Variants in CEP128 observed in about 807,000 individuals in gnomAD.
CEP128 encodes centrosomal protein 128.
A neutral mutation model predicts 156.7 loss-of-function variants in CEP128; 132 were observed. The ratio of observed to expected loss-of-function variants is 0.84; its 90% CI spans 0.73 to 0.97. The LOEUF (loss-of-function observed/expected upper bound fraction) is 0.97, where lower values mean the gene tolerates loss of function less well. Among genes scored for constraint, CEP128 ranks in the 50% least tolerant of loss-of-function variants. The pLI, the probability that CEP128 is intolerant of heterozygous loss-of-function variation, is 0.00. For missense variants in CEP128, 1,252 were observed against 1,281.9 expected (o/e 0.98, Z 0.36); for synonymous variants, 469 against 448.9 (o/e 1.04, Z -0.57).
At chr14:80,504,709 T>C (rs1197737364) in intron 24 of CEP128, among the ~76,000 whole-genome samples, 1 of 152,238 alleles carries the variant, frequency 6.6e-6, no homozygotes, top group African/African-American at 2.4e-5. Flanking sequence ...CTGAGAAGCG[T>C]AAAGTCTAAA....
chr14:80,894,406 C>T (rs10141970), intron 8 of CEP128, among the ~76,000 whole-genome samples: 84,761 of 151,698 alleles, frequency 0.56, 25,664 homozygotes, highest in African/African-American at 0.8. Flanking sequence ...GTGTGAACTA[C>T]TGCAATTAAC....
At chr14:80,488,246 C>T (rs1224370105), downstream of CEP128, among the ~76,000 whole-genome samples, 1 of 59,744 alleles carries the variant, frequency 1.7e-5, no homozygotes, top group African/African-American at 3.3e-5. Flanking sequence ...TGACAAAGGG[C>T]TAATATCCAG....
chr14:80,652,199 G>A (rs1894937624), intron 19 of CEP128, among the ~76,000 whole-genome samples: 1 of 151,908 alleles, frequency 6.6e-6, no homozygotes, highest in Non-Finnish European at 1.5e-5. Context: ...AAATCAGGCT[G>A]GATTAAAGAC....
intron 12 of CEP128, among the ~76,000 whole-genome samples, chr14:80,831,560 C>T (rs2140045500): frequency 1.3e-5 from 2 of 150,618 alleles, no homozygotes; most frequent in Non-Finnish European, 3.0e-5. Flanking sequence ...TCAAGAAAAT[C>T]ACACACATTT....
chr14:80,570,284 A>AT (rs1891083517), intron 20 of CEP128, among the ~76,000 whole-genome samples: 1 of 151,986 alleles, frequency 6.6e-6, no homozygotes, highest in Non-Finnish European at 1.5e-5. Context: ...CGCCCGGCTA[A>AT]TTTTTTGTGT....
At chr14:80,923,865 G>A (rs991548041) in intron 2 of CEP128, among the ~76,000 whole-genome samples, 1 of 152,118 alleles carries the variant, frequency 6.6e-6, no homozygotes, top group Admixed American at 6.5e-5. Flanking sequence ...GAGGTGACAG[G>A]ATCATGGAGG....
intron 19 of CEP128, among the ~76,000 whole-genome samples, chr14:80,663,388 C>T (rs866963352): frequency 3.3e-5 from 5 of 152,078 alleles, no homozygotes; most frequent in Non-Finnish European, 7.4e-5. Flanking sequence ...GGAGAAGTAG[C>T]AAAAGTTTTC....
At chr14:80,718,113 C>T (rs1834259542) in intron 19 of CEP128, among the ~76,000 whole-genome samples, 1 of 152,076 alleles carries the variant, frequency 6.6e-6, no homozygotes, top group African/African-American at 2.4e-5. Flanking sequence ...TCATATAACT[C>T]AACAAAGACA....
rs768366515 is a variant in CEP128, at chr14:80,580,419, T to G, written c.2811A>C (p.Leu937=). 30 of 1,593,390 alleles carry G rather than the reference T, an allele frequency of 1.9e-5. No homozygotes were observed. The highest frequency in any genetic ancestry group is 3.4e-4 in the Middle Eastern group (2 of 5,836). Residue 937 remains leucine, a synonymous_variant, in exon 20 of 25, where the codon CTA becomes CTC. Coordinates refer to ENST00000555265, the MANE Select transcript of CEP128 (RefSeq NM_152446.5). ...CATCTTTTCTTTGGGTCTCTTCCAG[T>G]AGATCTGTAATAAGAAAGTAAAATA... ...LDEIHREKRD[L]LEETQRKDEE... is the part of the protein sequence containing the mutation.
chr14:80,520,287 C>T (rs929871710), intron 23 of CEP128, among the ~76,000 whole-genome samples: 11 of 152,018 alleles, frequency 7.2e-5, no homozygotes, highest in East Asian at 3.9e-4. Flanking sequence ...GGCATAGTGG[C>T]GCATGCCTGT....
At chr14:80,659,557 C>T (rs572375375) in intron 19 of CEP128, among the ~76,000 whole-genome samples, 10 of 152,244 alleles carry the variant, frequency 6.6e-5, no homozygotes, top group East Asian at 1.9e-4. Context: ...TCTATAACTC[C>T]GTGGTCTACT....
rs577098829 is a variant in CEP128, at chr14:80,740,475, C to G, written c.2806+2600G>C. ...ACACACACACACACACACACACACA[C>G]ACAGATTCATATTTATATCTAGATA... On this transcript the variant is annotated intron_variant, in intron 19 of 24. Coordinates refer to ENST00000555265, the MANE Select transcript of CEP128 (RefSeq NM_152446.5). Among the ~76,000 whole-genome samples, 9 of 146,680 alleles carry G rather than the reference C, an allele frequency of 6.1e-5. No individual in the cohort carries two copies. In the East Asian group the frequency reaches 1.8e-3, roughly 29 times the overall value.
At chr14:80,652,425 C>A (rs1193881017) in intron 19 of CEP128, among the ~76,000 whole-genome samples, 1 of 151,764 alleles carries the variant, frequency 6.6e-6, no homozygotes. Flanking sequence ...AATAAGAGAA[C>A]AATTTTTGTA....
chr14:80,532,862 G>A (rs2140282739), intron 21 of CEP128, among the ~76,000 whole-genome samples: 1 of 152,216 alleles, frequency 6.6e-6, no homozygotes, highest in East Asian at 1.9e-4. Flanking sequence ...TTTTTGAGAA[G>A]GGCAGAAATA....
chr14:80,726,893 T>C (rs1898040107), intron 19 of CEP128, among the ~76,000 whole-genome samples: 1 of 152,210 alleles, frequency 6.6e-6, no homozygotes, highest in Non-Finnish European at 1.5e-5. Flanking sequence ...AACAAAATAT[T>C]TGAGAACTGG....
intron 19 of CEP128, among the ~76,000 whole-genome samples, chr14:80,718,762 A>G (rs1595277910): frequency 6.6e-6 from 1 of 152,226 alleles, no homozygotes; most frequent in African/African-American, 2.4e-5. Flanking sequence ...AACCAAAACA[A>G]GAGGGCATGA....
At chr14:80,524,882 A>G (rs2140258622) in intron 23 of CEP128, among the ~76,000 whole-genome samples, 1 of 152,206 alleles carries the variant, frequency 6.6e-6, no homozygotes, top group South Asian at 2.1e-4. Flanking sequence ...TTTGTTTTTC[A>G]TTTTGCTAAG....
intron 13 of CEP128, among the ~76,000 whole-genome samples, chr14:80,814,854 C>T (rs1233949039): frequency 3.9e-5 from 6 of 152,232 alleles, no homozygotes; most frequent in Middle Eastern, 3.4e-3. Context: ...GTCAGGAGTT[C>T]GAGACCAACC....
intron 19 of CEP128, among the ~76,000 whole-genome samples, chr14:80,728,273 AT>A: frequency 6.6e-6 from 1 of 152,346 alleles, no homozygotes; most frequent in Middle Eastern, 3.4e-3. Flanking sequence ...ACAAAACCAA[AT>A]ATCACATGTT....
Sources: allele counts gnomAD v4.1 joint callset (sites outside exome capture counted in the v4.1 genomes callset), GRCh38; gene constraint gnomAD v4.1.1; transcripts MANE v1.5; gene names NCBI Gene and HGNC (gene_info 2026-07-23, HGNC 2026-07-21).